The following DACT2 variants were observed in gnomAD, a reference collection of about 807,000 sequenced individuals.
DACT2 encodes the protein dapper homolog 2.
In DACT2, 20 loss-of-function variants were observed where a neutral mutation model predicts 22.2. That is an observed-to-expected ratio of 0.90 (90% CI 0.63 to 1.31). The LOEUF (loss-of-function observed/expected upper bound fraction) is 1.31. DACT2 is among the 50% of genes most tolerant of loss of function. The pLI is 0.00. For synonymous variants in DACT2, 463 were observed against 479.8 expected, an observed-to-expected ratio of 0.96 and a Z score of 0.46; for missense variants, 1,048 against 1,061.4, an observed-to-expected ratio of 0.99 and a Z score of 0.18.
At chr6:168,294,285 T>C (rs1012996876) in intron 4 of DACT2, 2 of 701,264 alleles carry the variant, frequency 2.9e-6, no homozygotes, top group Non-Finnish European at 5.2e-6. Flanking sequence ...GCCGTTTCAC[T>C]GGGGCTAGGT....
At position 168,308,077 on chromosome 6, in the gene DACT2, G is replaced by C. The variant is rs1779270225; in HGVS notation, c.1680C>G (p.Ser560=). 1 of 1,544,884 alleles carries C rather than the reference G, an allele frequency of 6.5e-7. No individual in the cohort carries two copies. The highest frequency in any genetic ancestry group is 8.7e-7 in the Non-Finnish European group (1 of 1,143,258). The change falls in exon 4 of 4, where the codon TCC becomes TCG. Residue 560 remains serine, a synonymous_variant. Coordinates refer to ENST00000366795, the MANE Select transcript of DACT2 (RefSeq NM_214462.5). The stretch of plus-strand genomic sequence containing the variant: ...TGGGGTAGAGGGTGGACTCAGAACA[G>C]GAGCGCCCGGGTGCCTCCCAGGCCA... The part of the protein sequence containing the change: ...PALAWEAPGR[S]CSESTLYPMP...
rs1193576248 is a variant in DACT2 at position 168,294,058 on chromosome 6, C to T, written c.795+75G>A. 8.5e-6 allele frequency: 6 copies of T among 702,844 alleles called. No homozygotes were observed. In the African/African-American group the frequency reaches 1.0e-4, roughly 12 times the overall value. The allele number at this position is 702,844 out of a possible 1,614,324, so 43.5% of individuals were successfully genotyped here. On this transcript the variant is annotated intron_variant, in intron 5 of 5. Coordinates refer to the DACT2 transcript ENST00000366796. ...CGTCCCCACAGAGCACCCACGATGC[C>T]CATGAGCACAGACCCGCGATGGCAG... is the stretch of plus-strand genomic sequence containing the variant.
intron 3 of DACT2, chr6:168,298,384 T>A (rs576840972): frequency 6.6e-6 from 1 of 152,338 alleles, no homozygotes; most frequent in Admixed American, 6.5e-5. Flanking sequence ...GTTTTTTGTT[T>A]TAAATACTTC....
At chr6:168,302,876 C>T (rs1018268892), downstream of DACT2, among the ~76,000 whole-genome samples, 3 of 152,276 alleles carry the variant, frequency 2.0e-5, no homozygotes, top group Middle Eastern at 3.4e-3. Context: ...TGATTGAGGG[C>T]CGCGGTGTGT....
In DACT2 at chr6:168,307,725, T is replaced by A. The variant is rs1779251878; in HGVS notation, c.2032A>T (p.Ile678Phe). The change falls in exon 4 of 4, where the codon ATC becomes TTC. Residue 678 changes from isoleucine (I) to phenylalanine (F), a missense_variant. By Grantham distance (21) the Ile-to-Phe change is conservative. Transcript: ENST00000366795. The surrounding 1 kb of genome is among the most constrained non-coding windows in gnomAD (Gnocchi z 5.3). ...GACTCTCCCTCGCTGGTCTCCGGGA[T>A]GACTGACGGGAACCGCGGGTCACAC... The part of the protein sequence containing the change: ...AECDPRFPSV[I>F]PETSEGESSD... 6.5e-7 allele frequency: 1 copy of A among 1,549,706 alleles called. No homozygotes were observed. Among genetic ancestry groups the A allele is most frequent in the Non-Finnish European group, 8.7e-7 (1 of 1,146,888 alleles).
downstream of DACT2, among the ~76,000 whole-genome samples, chr6:168,302,817 C>T (rs1039061717): frequency 2.2e-4 from 33 of 152,158 alleles, no homozygotes; most frequent in Admixed American, 1.6e-3. Context: ...AGACAAGCCC[C>T]CTTTGAAAAG....
At chr6:168,293,345 A>C (rs1778945173) in exon 6 of DACT2, 1 of 152,640 alleles carries the variant, frequency 6.6e-6, no homozygotes, top group Non-Finnish European at 1.5e-5. Flanking sequence ...TTAAATTTTC[A>C]CATCATTTTG....
intron 1 of DACT2, among the ~76,000 whole-genome samples, chr6:168,319,076 G>C (rs998538828): frequency 7.2e-5 from 11 of 152,232 alleles, no homozygotes; most frequent in African/African-American, 2.6e-4. Context: ...GTAACGAACA[G>C]GGTGTCTCTC....
intron 1 of DACT2, among the ~76,000 whole-genome samples, chr6:168,312,281 G>A (rs1234160543): frequency 6.6e-6 from 1 of 151,540 alleles, no homozygotes; most frequent in Non-Finnish European, 1.5e-5. Context: ...CTGCAGCATC[G>A]ACCTCCCCGG....
chr6:168,300,205 C>T (rs1406451201), intron 3 of DACT2: 1 of 152,478 alleles, frequency 6.6e-6, no homozygotes, highest in African/African-American at 2.4e-5. Context: ...GTCCCCCTCA[C>T]TGCTGCTGCA....
At chr6:168,295,336 G>A (rs1778990209) in intron 3 of DACT2, among the ~76,000 whole-genome samples, 1 of 152,190 alleles carries the variant, frequency 6.6e-6, no homozygotes, top group African/African-American at 2.4e-5. Flanking sequence ...AAAGAGGAGT[G>A]TTATTTACTG....
intron 3 of DACT2, 145 bp from the exon 4 acceptor site, chr6:168,309,243 TCA>T (rs1336382061): frequency 6.1e-6 from 8 of 1,314,320 alleles, no homozygotes; most frequent in Admixed American, 2.9e-5. Flanking sequence ...AGACGGCGAC[TCA>T]CAGTCACTGA....
intron 1 of DACT2, among the ~76,000 whole-genome samples, chr6:168,312,345 C>T (rs4708716): frequency 0.21 from 31,903 of 151,884 alleles, 3,356 homozygotes; most frequent in South Asian, 0.27. Flanking sequence ...TGCAGGCATG[C>T]ACCATCACGC....
downstream of DACT2, among the ~76,000 whole-genome samples, chr6:168,304,160 T>G (rs1779157859): frequency 6.6e-6 from 1 of 152,230 alleles, no homozygotes; most frequent in Non-Finnish European, 1.5e-5. Context: ...CGTCATCTAA[T>G]CAATCACACC....
At chr6:168,303,968 A>G (rs574194718), downstream of DACT2, among the ~76,000 whole-genome samples, 1 of 152,340 alleles carries the variant, frequency 6.6e-6, no homozygotes, top group South Asian at 2.1e-4. Flanking sequence ...ATTTTAGGAT[A>G]GAAAGGATAA....
chr6:168,310,241 G>T lies in DACT2; in HGVS notation c.585C>A (p.Gly195=), dbSNP rs918517391. 2 of 1,551,044 alleles carry T rather than the reference G, an allele frequency of 1.3e-6. No individual in the cohort carries two copies. Among genetic ancestry groups the T allele is most frequent in the Admixed American group, 3.9e-5 (2 of 50,976 alleles). The change falls in exon 3 of 4, where the codon GGC becomes GGA. Residue 195 remains glycine, a synonymous_variant. Coordinates refer to ENST00000366795, the MANE Select transcript of DACT2 (RefSeq NM_214462.5). Reference sequence around the variant, plus strand: ...CCTCCACGCTCCCTGGGGGCCTGGCGCCCTCCTCGGTAGCCTGGGGTCTCC... The same window carrying T: ...CCTCCACGCTCCCTGGGGGCCTGGCTCCCTCCTCGGTAGCCTGGGGTCTCC... The part of the protein sequence containing the change: ...PAWRPQATEE[G]ARPPGSVEDA...
chr6:168,312,514 C>T (rs1779446118), intron 1 of DACT2, among the ~76,000 whole-genome samples: 1 of 152,216 alleles, frequency 6.6e-6, no homozygotes, highest in African/African-American at 2.4e-5. Flanking sequence ...TAGAAGTTTC[C>T]ATCACAGCCC....
At chr6:168,313,393 T>C (rs546407821) in intron 1 of DACT2, among the ~76,000 whole-genome samples, 3 of 152,290 alleles carry the variant, frequency 2.0e-5, no homozygotes, top group Admixed American at 6.5e-5. Flanking sequence ...AAACCAATCC[T>C]GAATTTAATC....
At chr6:168,304,301 G>A (rs778480973), downstream of DACT2, among the ~76,000 whole-genome samples, 1 of 152,226 alleles carries the variant, frequency 6.6e-6, no homozygotes, top group African/African-American at 2.4e-5. Context: ...GGAGACGAAT[G>A]TTCACCACAG....
Sources: allele counts gnomAD v4.1 joint callset (sites outside exome capture counted in the v4.1 genomes callset), GRCh38; gene constraint gnomAD v4.1.1; non-coding constraint Gnocchi (gnomAD v3.1); transcripts MANE v1.5; gene names NCBI Gene and HGNC (gene_info 2026-07-23, HGNC 2026-07-21).